METTL21A: variants seen among roughly 807,000 people sequenced by gnomAD.
METTL21A encodes the protein protein N-lysine methyltransferase METTL21A.
A neutral mutation model predicts 20.9 loss-of-function variants in METTL21A; 22 were observed. The observed-to-expected ratio is 1.05, with a 90% confidence interval of 0.75 to 1.50. METTL21A has a LOEUF of 1.50. Ranked by LOEUF, METTL21A falls within the 40% of genes most tolerant of loss-of-function variation. The pLI is 0.00. For synonymous variants in METTL21A, 93 were observed against 102.0 expected (o/e 0.91, Z 0.53); for missense variants, 271 against 266.8 (o/e 1.02, Z -0.11).
At chr2:207,582,127 C>T in exon 4 of METTL21A, 1 of 702,848 alleles carries the variant, frequency 1.4e-6, no homozygotes, top group Non-Finnish European at 2.6e-6. Flanking sequence ...TTGTCCAGCC[C>T]ATATTCAAGG....
At chr2:207,613,593 A>G in intron 3 of METTL21A, 150 bp from the exon 4 acceptor site, 1 of 696,176 alleles carries the variant, frequency 1.4e-6, no homozygotes, top group Non-Finnish European at 2.2e-6. Flanking sequence ...CTGCAATAGA[A>G]AAATGACTCA....
chr2:207,598,595 C>T (rs2086556547), intron 3 of METTL21A: 1 of 173,440 alleles, frequency 5.8e-6, no homozygotes, highest in East Asian at 1.0e-4. Flanking sequence ...GCCTGTAATC[C>T]CAGCACTTTG....
At chr2:207,602,454 C>CA in intron 3 of METTL21A, 1 of 201,342 alleles carries the variant, frequency 5.0e-6, no homozygotes, top group Non-Finnish European at 1.0e-5. Context: ...TGAAAAGGAT[C>CA]AAAGAGTAGG....
intron 3 of METTL21A, chr2:207,620,797 AGAAAAAGAAATAGT>A: frequency 9.4e-7 from 1 of 1,059,440 alleles, no homozygotes. Context: ...GCAGCTAAGC[AGAAAAAGAAATAGT>A]GAAAAAGTAT....
At chr2:207,616,795 T>G (rs2089815116) in intron 3 of METTL21A, among the ~76,000 whole-genome samples, 1 of 152,070 alleles carries the variant, frequency 6.6e-6, no homozygotes, top group Non-Finnish European at 1.5e-5. Flanking sequence ...GCAGTGAAGA[T>G]CGCCCTACTG....
chr2:207,612,859 T>C, exon 4 of METTL21A: 1 of 545,578 alleles, frequency 1.8e-6, no homozygotes, highest in South Asian at 3.3e-5. Flanking sequence ...GAGTAAAGTC[T>C]GACTAAAAAT....
At chr2:207,621,272 G>A (rs769656647) in intron 3 of METTL21A, among the ~76,000 whole-genome samples, 3 of 152,186 alleles carry the variant, frequency 2.0e-5, no homozygotes, top group African/African-American at 4.8e-5. Flanking sequence ...TTGATATCAA[G>A]TCAGAACTGT....
chr2:207,621,722 C>A lies in METTL21A; in HGVS notation c.259+84G>T, dbSNP rs143843336. The A allele has an allele frequency of 6.8e-5, 82 of 1,212,608 alleles. No individual in the cohort carries two copies. The African/African-American group carries it at 9.7e-4, about 14-fold the overall frequency. The allele number at this position is 1,212,608 out of a possible 1,614,324, so 75.1% of individuals were successfully genotyped here. A position where few individuals can be genotyped will look rare whatever the true frequency, so the allele number is the denominator to read the frequency against. The stretch of plus-strand genomic sequence containing the variant: ...GATAATAACCCAGTAAGGGGAAAAC[C>A]CACGAAGGGTTTTGCGCTAAGAAAA... On this transcript the variant is annotated intron_variant, in intron 3 of 3. Coordinates refer to ENST00000406927, the Ensembl canonical transcript of METTL21A.
chr2:207,596,428 GTTGT>G (rs2086171595), intron 3 of METTL21A, among the ~76,000 whole-genome samples: 1 of 152,112 alleles, frequency 6.6e-6, no homozygotes, highest in African/African-American at 2.4e-5. Flanking sequence ...TGTTTATGGA[GTTGT>G]TTTTTTGTTT....
intron 3 of METTL21A, chr2:207,582,815 C>A: frequency 3.1e-6 from 1 of 325,886 alleles, no homozygotes. Flanking sequence ...ATTGTGCGAA[C>A]CTGGGAGGTG....
At chr2:207,607,563 CTA>C (rs2088303436), downstream of METTL21A, among the ~76,000 whole-genome samples, 1 of 150,154 alleles carries the variant, frequency 6.7e-6, no homozygotes, top group Non-Finnish European at 1.5e-5. Context: ...TTTTGATCAA[CTA>C]CTATTTGAAG....
At chr2:207,603,403 C>G (rs2087458374) in intron 3 of METTL21A, 1 of 223,962 alleles carries the variant, frequency 4.5e-6, no homozygotes, top group African/African-American at 2.2e-5. Flanking sequence ...CATTTATGTG[C>G]AGTCACATAA....
chr2:207,613,505 G>A, intron 3 of METTL21A, 62 bp from the exon 4 acceptor site: 1 of 1,452,570 alleles, frequency 6.9e-7, no homozygotes, highest in Non-Finnish European at 9.2e-7. Context: ...AGGTAGAGAG[G>A]GGGTCAAGTT....
chr2:207,593,285 G>T (rs2085439680), intron 3 of METTL21A, among the ~76,000 whole-genome samples: 1 of 152,174 alleles, frequency 6.6e-6, no homozygotes, highest in African/African-American at 2.4e-5. Flanking sequence ...CAGCACTTTG[G>T]GAGGCTGAGG....
chr2:207,586,227 G>C (rs1262603050), intron 3 of METTL21A, among the ~76,000 whole-genome samples: 1 of 152,124 alleles, frequency 6.6e-6, no homozygotes, highest in Non-Finnish European at 1.5e-5. Context: ...ACATAGTATT[G>C]ATATAAAAAC....
chr2:207,592,141 AAGTGACAGACTTTAAAGAT>A (rs1290643658), intron 3 of METTL21A, among the ~76,000 whole-genome samples: 2 of 152,008 alleles, frequency 1.3e-5, no homozygotes, highest in Non-Finnish European at 2.9e-5. Flanking sequence ...TTTTTCTTTG[AAGTGACAGACTTTAAAGAT>A]GTCACTTAAG....
chr2:207,593,152 C>T (rs892320472), intron 3 of METTL21A, among the ~76,000 whole-genome samples: 29 of 152,198 alleles, frequency 1.9e-4, no homozygotes, highest in African/African-American at 6.8e-4. Flanking sequence ...AATTTCCATG[C>T]CACTGCTGAA....
At chr2:207,581,645 A>T (rs558591229), downstream of METTL21A, 6 of 422,776 alleles carry the variant, frequency 1.4e-5, no homozygotes, top group Non-Finnish European at 2.5e-5. Flanking sequence ...AAGGAGTTTT[A>T]AAAATACAGA....
downstream of METTL21A, chr2:207,581,234 A>T (rs1286463366): frequency 4.9e-6 from 1 of 204,298 alleles, no homozygotes; most frequent in East Asian, 7.6e-5. Flanking sequence ...GAGTTGAGGG[A>T]TATAAATAGG....
Sources: allele counts gnomAD v4.1 joint callset (sites outside exome capture counted in the v4.1 genomes callset), GRCh38; gene constraint gnomAD v4.1.1; transcripts MANE v1.5; gene names NCBI Gene and HGNC (gene_info 2026-07-23, HGNC 2026-07-21).